The following IQCE variants were observed in gnomAD, a reference collection of about 807,000 sequenced individuals.
IQCE encodes the protein IQ domain-containing protein E.
IQCE carries 115 observed loss-of-function variants against 96.0 expected under a neutral mutation model. The ratio of observed to expected loss-of-function variants is 1.20; its 90% CI spans 1.03 to 1.40. The LOEUF (loss-of-function observed/expected upper bound fraction) is 1.40. Ranked by LOEUF, IQCE falls within the 40% of genes most tolerant of loss-of-function variation. The pLI is 0.00. For missense variants in IQCE, 1,041 were observed against 909.1 expected (o/e 1.15, Z -1.87); for synonymous variants, 412 against 371.2 (o/e 1.11, Z -1.26).
chr7:2,576,367 A>G (rs994247654), intron 6 of IQCE, among the ~76,000 whole-genome samples: 1 of 152,200 alleles, frequency 6.6e-6, no homozygotes, highest in Non-Finnish European at 1.5e-5. Context: ...GGATAGTTGT[A>G]GAGATTGAAT....
Position 2,610,324 on chromosome 7 carries a change from C to G in IQCE, c.*162C>G. The G allele has an allele frequency of 1.7e-6, 1 of 597,086 alleles. No individual in the cohort carries two copies. The allele number at this position is 597,086 out of a possible 1,614,324, so 37.0% of individuals were successfully genotyped here. A position where few individuals can be genotyped will look rare whatever the true frequency, so the allele number is the denominator to read the frequency against. ...TGTGCTTTTGTTTGTGGAAGGAGAC[C>G]CAAATGCCTTTACTTTATTCTCTGG... On this transcript the variant is annotated 3_prime_UTR_variant, in exon 22 of 22. Transcript: ENST00000402050.
intron 14 of IQCE, among the ~76,000 whole-genome samples, chr7:2,592,600 G>A (rs941846664): frequency 1.3e-5 from 2 of 152,236 alleles, no homozygotes; most frequent in Non-Finnish European, 2.9e-5. Flanking sequence ...CGCAAGAAAC[G>A]CATCTGGGAG....
At position 2,587,840 on chromosome 7, in the gene IQCE, A is replaced by T; in HGVS notation, c.1007A>T (p.Lys336Met). ...CCATCAGGTTATGTGGAGTGGAGCA[A>T]GCCCCGGCTGCTGAGGCGCATTGTG... ...SKTQGYVEWS[K>M]PRLLRRIVEL... Residue 336 changes from lysine (K) to methionine (M), a missense_variant, in exon 13 of 22, where the codon AAG (lysine) becomes ATG (methionine). Physicochemically the swap from Lys to Met is moderately conservative, Grantham distance 95 (BLOSUM62 -1). Coordinates refer to ENST00000402050, the MANE Select transcript of IQCE (RefSeq NM_152558.5). 1 of 1,614,072 alleles carries T rather than the reference A, an allele frequency of 6.2e-7. No individual in the cohort carries two copies. The highest frequency in any genetic ancestry group is 8.5e-7 in the Non-Finnish European group (1 of 1,179,970).
At chr7:2,564,336 T>C (rs577926739) in intron 1 of IQCE, among the ~76,000 whole-genome samples, 12 of 152,216 alleles carry the variant, frequency 7.9e-5, no homozygotes, top group African/African-American at 2.6e-4. Flanking sequence ...GACTCACACC[T>C]ATAGCCCCAG....
chr7:2,591,387 TC>T (rs1480158595), intron 14 of IQCE, among the ~76,000 whole-genome samples: 1 of 152,164 alleles, frequency 6.6e-6, no homozygotes, highest in South Asian at 2.1e-4. Context: ...GCTCCTGTCC[TC>T]CTCCTGTTGA....
rs1781574747 is a variant in IQCE, at chr7:2,568,997, CAAGT to C, written c.130+4_130+7del. The C allele has an allele frequency of 1.9e-6, 3 of 1,613,802 alleles. No homozygotes were observed. Among genetic ancestry groups the C allele is most frequent in the African/African-American group, 1.3e-5 (1 of 74,918 alleles). ...TTCCACAAACCTCCACCCACATCGC[CAAGT>C]AAGTATGACGAGGCCTGCCTTCCCT... On this transcript the variant is annotated splice_donor_variant and coding_sequence_variant, in exon 3 of 22. Coordinates refer to ENST00000402050, the MANE Select transcript of IQCE (RefSeq NM_152558.5). LOFTEE classifies it high-confidence loss of function.
chr7:2,566,377 G>A (rs556903201), intron 1 of IQCE, among the ~76,000 whole-genome samples: 1 of 150,794 alleles, frequency 6.6e-6, no homozygotes, highest in Non-Finnish European at 1.5e-5. Flanking sequence ...AAAGTCACTG[G>A]AATAAGAAGG....
In IQCE at chr7:2,586,350, C is replaced by G. The variant is rs569845935; in HGVS notation, c.967C>G (p.Pro323Ala). 4 of 1,612,590 alleles carry G rather than the reference C, an allele frequency of 2.5e-6. No individual in the cohort carries two copies. The highest frequency in any genetic ancestry group is 2.5e-6 in the Non-Finnish European group (3 of 1,179,694). The change falls in exon 12 of 22, where the codon CCA (proline) becomes GCA (alanine). Residue 323 changes from proline (P) to alanine (A), a missense_variant. Transcript: ENST00000402050. Reference protein sequence around the residue: ...EDLDRVLSTSPTISKTQGYVE... With the variant: ...EDLDRVLSTSATISKTQGYVE... The stretch of plus-strand genomic sequence containing the variant: ...CCTGGACCGCGTGCTGAGCACCTCC[C>G]CAACCATCTCCAAGACACAGGGTAC...
rs1434277957 is a variant in IQCE at position 2,571,586 on chromosome 7, G to A, written c.191G>A (p.Gly64Glu). 6.2e-7 allele frequency: 1 copy of A among 1,603,888 alleles called. No individual in the cohort carries two copies. The highest frequency in any genetic ancestry group is 8.5e-7 in the Non-Finnish European group (1 of 1,179,968). ...VASWRSLRTA[G>E]SMPLGGRASL... ...TCCTGGAGGTCCCTCAGGACGGCAG[G>A]GAGCATGCCTCTGGGCGGCCGAGCG... The change falls in exon 4 of 22, where the codon GGG becomes GAG. Residue 64 changes from glycine (G) to glutamate (E), a missense_variant. Physicochemically the swap from Gly to Glu is moderately conservative, Grantham distance 98 (BLOSUM62 -2). Transcript: ENST00000402050.
chr7:2,562,148 CAT>C (rs142780939), intron 1 of IQCE, among the ~76,000 whole-genome samples: 2,161 of 152,070 alleles, frequency 0.014, 48 homozygotes, highest in African/African-American at 0.049. Context: ...TTGAGAAAAT[CAT>C]ATGTTTCTTT....
intron 16 of IQCE, among the ~76,000 whole-genome samples, chr7:2,596,162 G>A (rs79257004): frequency 0.013 from 1,923 of 152,280 alleles, 30 homozygotes; most frequent in African/African-American, 0.041. Context: ...GGGAGGCAGC[G>A]GTGGGAAGAT....
At chr7:2,579,097 A>G (rs75017208) in intron 8 of IQCE, among the ~76,000 whole-genome samples, 2,372 of 152,050 alleles carry the variant, frequency 0.016, 27 homozygotes, top group Non-Finnish European at 0.024. Context: ...GGCAGCAATA[A>G]CGTCCTTCAG....
At chr7:2,589,506 G>T (rs1783405713) in intron 13 of IQCE, among the ~76,000 whole-genome samples, 1 of 152,180 alleles carries the variant, frequency 6.6e-6, no homozygotes, top group Admixed American at 6.5e-5. Flanking sequence ...GCGGGGACGG[G>T]CTCAGCGGCA....
At chr7:2,601,965 A>C (rs191575729) in intron 18 of IQCE, 18 of 162,606 alleles carry the variant, frequency 1.1e-4, no homozygotes, top group Admixed American at 6.4e-4. Flanking sequence ...CTCTTCATTC[A>C]TTCCTTCCTT....
chr7:2,588,443 T>A (rs184130151), intron 13 of IQCE, among the ~76,000 whole-genome samples: 1 of 149,394 alleles, frequency 6.7e-6, no homozygotes, highest in Admixed American at 6.7e-5. Context: ...AACCTCCGCC[T>A]CCCGAGTTCA....
chr7:2,594,184 C>G (rs545380689), intron 15 of IQCE, among the ~76,000 whole-genome samples: 1 of 152,150 alleles, frequency 6.6e-6, no homozygotes, highest in Admixed American at 6.5e-5. Flanking sequence ...AGCTTGAACC[C>G]GGGCAGCAGA....
In IQCE at chr7:2,578,248, CACGTGCAGAAGAGCG is replaced by C; in HGVS notation, c.478_492del (p.Gln160_Val164del). 1 of 1,612,748 alleles carries C rather than the reference CACGTGCAGAAGAGCG, an allele frequency of 6.2e-7. No homozygotes were observed. The highest frequency in any genetic ancestry group is 1.1e-5 in the South Asian group (1 of 91,058). On this transcript the variant is annotated inframe_deletion, in exon 7 of 22. Coordinates refer to ENST00000402050, the MANE Select transcript of IQCE (RefSeq NM_152558.5). ...TGGCCCTTGTTTTCTTCAGTCATTG[CACGTGCAGAAGAGCG>C]ACGTGGACCTGATGAGAACGAAGCT...
At chr7:2,595,344 C>T (rs535322156) in intron 16 of IQCE, among the ~76,000 whole-genome samples, 68 of 152,252 alleles carry the variant, frequency 4.5e-4, no homozygotes, top group African/African-American at 1.5e-3. Context: ...CCTGGGCATG[C>T]GTCCTCTCCT....
intron 16 of IQCE, among the ~76,000 whole-genome samples, chr7:2,595,784 C>T (rs1362832985): frequency 6.7e-6 from 1 of 149,500 alleles, no homozygotes; most frequent in African/African-American, 2.5e-5. Flanking sequence ...CGGTGCTGCA[C>T]TTGCCTTCCT....
Sources: allele counts gnomAD v4.1 joint callset (sites outside exome capture counted in the v4.1 genomes callset), GRCh38; gene constraint gnomAD v4.1.1; transcripts MANE v1.5; gene names NCBI Gene and HGNC (gene_info 2026-07-23, HGNC 2026-07-21).